The following TESK2 variants were observed in gnomAD, a reference collection of about 807,000 sequenced individuals.
The protein encoded by TESK2 is dual specificity testis-specific protein kinase 2.
A neutral mutation model predicts 57.1 loss-of-function variants in TESK2; 39 were observed. That is an observed-to-expected ratio of 0.68 (90% CI 0.53 to 0.89). TESK2 has a LOEUF of 0.89. TESK2 is among the 40% of genes least tolerant of loss of function. The pLI, the probability that TESK2 is intolerant of heterozygous loss-of-function variation, is 0.00. For missense variants in TESK2, 646 were observed against 732.1 expected (o/e 0.88, Z 1.36); for synonymous variants, 249 against 267.9 (o/e 0.93, Z 0.69).
intron 1 of TESK2, among the ~76,000 whole-genome samples, chr1:45,477,676 A>AGCAAATT (rs80241611): frequency 6.6e-6 from 1 of 152,092 alleles, no homozygotes. Context: ...GCCAGAAGGA[A>AGCAAATT]GCAACCTGTA....
At position 45,347,631 on chromosome 1, in the gene TESK2, C is replaced by T. The variant is rs762906650; in HGVS notation, c.686G>A (p.Arg229Gln). The T allele has an allele frequency of 3.7e-6, 6 of 1,614,104 alleles. No homozygotes were observed. The highest frequency in any genetic ancestry group is 3.3e-4 in the Middle Eastern group (2 of 6,062). Residue 229 changes from arginine (R) to glutamine (Q), a missense_variant, in exon 7 of 11, where the codon CGA becomes CAA. By Grantham distance (43) the Arg-to-Gln change is conservative (BLOSUM62 1). Coordinates refer to ENST00000372086, the MANE Select transcript of TESK2 (RefSeq NM_007170.3). ...SPFWMAPEVL[R>Q]DEPYNEKADV... ...TACCTTTTCATTATAGGGCTCATCT[C>T]GGAGAACCTCAGGTGCCATCCAGAA...
chr1:45,468,618 T>C (rs1394831843), intron 1 of TESK2, among the ~76,000 whole-genome samples: 1 of 152,226 alleles, frequency 6.6e-6, no homozygotes, highest in South Asian at 2.1e-4. Context: ...ATTACCTCTC[T>C]TGGTCTTATA....
At chr1:45,430,956 G>A (rs1406617135) in intron 2 of TESK2, among the ~76,000 whole-genome samples, 1 of 152,090 alleles carries the variant, frequency 6.6e-6, no homozygotes, top group African/African-American at 2.4e-5. Context: ...TACACTTCCT[G>A]GACAAAAATT....
chr1:45,432,791 T>C (rs1210514036), intron 2 of TESK2, among the ~76,000 whole-genome samples: 1 of 115,996 alleles, frequency 8.6e-6, no homozygotes, highest in African/African-American at 3.3e-5. Context: ...GGAGATGGAG[T>C]TTCGCTCTGT....
At chr1:45,438,728 A>G (rs1651323218) in intron 2 of TESK2, among the ~76,000 whole-genome samples, 1 of 151,932 alleles carries the variant, frequency 6.6e-6, no homozygotes, top group Admixed American at 6.6e-5. Context: ...CTTCCCCTCT[A>G]TGTGTCCATG....
At chr1:45,345,809 A>G (rs1462791533) in intron 10 of TESK2, 68 bp downstream of exon 10, 1 of 1,291,890 alleles carries the variant, frequency 7.7e-7, no homozygotes, top group Non-Finnish European at 1.1e-6. Flanking sequence ...CAACCCTAAG[A>G]GGAGAAGGCC....
intron 2 of TESK2, among the ~76,000 whole-genome samples, chr1:45,426,083 A>G (rs979564527): frequency 3.3e-5 from 5 of 152,004 alleles, no homozygotes; most frequent in Non-Finnish European, 5.9e-5. Flanking sequence ...CCCGGGAGGC[A>G]GAGGTTGCAG....
intron 3 of TESK2, chr1:45,415,233 C>A: frequency 6.8e-7 from 1 of 1,471,986 alleles, no homozygotes. Flanking sequence ...AGCATGTGGT[C>A]TTTGGCAAGG....
chr1:45,396,975 T>C (rs1345946532), intron 3 of TESK2, among the ~76,000 whole-genome samples: 6 of 151,660 alleles, frequency 4.0e-5, no homozygotes, highest in Non-Finnish European at 8.8e-5. Context: ...TGCACCACCA[T>C]GCCTGACTAA....
intron 2 of TESK2, among the ~76,000 whole-genome samples, chr1:45,453,257 G>T (rs1651945333): frequency 6.6e-6 from 1 of 150,744 alleles, no homozygotes; most frequent in East Asian, 2.0e-4. Flanking sequence ...TGAAGTGGGA[G>T]GATCACTTGA....
intron 1 of TESK2, among the ~76,000 whole-genome samples, chr1:45,482,440 A>G (rs1653265644): frequency 6.6e-6 from 1 of 151,942 alleles, no homozygotes; most frequent in Non-Finnish European, 1.5e-5. Flanking sequence ...AGATGGGAGG[A>G]TGGCTTGAGC....
chr1:45,428,969 G>A (rs1011739601), intron 2 of TESK2, among the ~76,000 whole-genome samples: 5 of 151,486 alleles, frequency 3.3e-5, no homozygotes, highest in East Asian at 2.0e-4. Context: ...CTACAGGCAC[G>A]TGCCACCATG....
Position 45,464,388 on chromosome 1 carries a change from C to T in TESK2, c.-86-6517G>A, listed in dbSNP as rs149977530. Among the ~76,000 whole-genome samples, 425 of 150,024 alleles carry T rather than the reference C, an allele frequency of 2.8e-3. 4 individuals carry two copies. Among genetic ancestry groups the T allele is most frequent in the East Asian group, 0.017 (89 of 5,134 alleles). On this transcript the variant is annotated intron_variant, in intron 1 of 10. Transcript: ENST00000372086. The stretch of plus-strand genomic sequence containing the variant: ...GCGATGAGCCAAGATCACATCACTG[C>T]ACTCCAGCCTTGGCGACAGAGCAAG...
intron 4 of TESK2, among the ~76,000 whole-genome samples, chr1:45,381,363 C>T (rs1648646759): frequency 6.6e-6 from 1 of 152,160 alleles, no homozygotes. Flanking sequence ...TACTTCCTAC[C>T]CCTGGACTCA....
chr1:45,427,069 C>G (rs1002433692), intron 2 of TESK2, among the ~76,000 whole-genome samples: 2 of 151,828 alleles, frequency 1.3e-5, no homozygotes, highest in African/African-American at 4.8e-5. Context: ...ATGGTAAAAC[C>G]CCGTCTCCAC....
rs77932721 is a variant in TESK2 at position 45,344,272 on chromosome 1, G to T, written c.*568C>A. 4,708 of 157,824 alleles carry T rather than the reference G, an allele frequency of 0.03. 99 individuals are homozygous for T. The highest frequency in any genetic ancestry group is 0.045 in the Non-Finnish European group (3,199 of 71,222). 9.8% of individuals were successfully genotyped at this position (157,824 alleles called of 1,614,324 possible). ...TTTGAATAGGTTAGCTAAGAGCCATGACCACCACGCTGCCTTGCTGTCCCC... is the reference window on the plus strand; with the variant it reads ...TTTGAATAGGTTAGCTAAGAGCCATTACCACCACGCTGCCTTGCTGTCCCC... On this transcript the variant is annotated 3_prime_UTR_variant, in exon 11 of 11. Transcript: ENST00000372086.
chr1:45,392,694 T>C (rs1257944193), intron 3 of TESK2, among the ~76,000 whole-genome samples: 2 of 150,738 alleles, frequency 1.3e-5, no homozygotes, highest in African/African-American at 2.4e-5. Context: ...AGAGTGAAAC[T>C]CTGTCTCAAA....
At chr1:45,347,190 TC>T in intron 7 of TESK2, 128 bp from the exon 8 acceptor site, 1 of 715,774 alleles carries the variant, frequency 1.4e-6, no homozygotes, top group Non-Finnish European at 2.4e-6. Context: ...CCATACTTCA[TC>T]CCAGTCAGTC....
chr1:45,432,385 C>T (rs1423348174), intron 2 of TESK2, among the ~76,000 whole-genome samples: 1 of 151,776 alleles, frequency 6.6e-6, no homozygotes, highest in African/African-American at 2.4e-5. Context: ...CGCTCTTCTA[C>T]CTACTTAGAA....
Sources: allele counts gnomAD v4.1 joint callset (sites outside exome capture counted in the v4.1 genomes callset), GRCh38; gene constraint gnomAD v4.1.1; transcripts MANE v1.5; gene names NCBI Gene and HGNC (gene_info 2026-07-23, HGNC 2026-07-21).